The following RPSA2 variants were observed in gnomAD, a reference collection of about 807,000 sequenced individuals.
RPSA2 encodes the protein small ribosomal subunit protein uS2B.
chr19:23,862,899 T>TC, the RPSA2 span, among the ~76,000 whole-genome samples: 83 of 150,614 alleles, frequency 5.5e-4, no homozygotes, highest in Non-Finnish European at 8.9e-4. Flanking sequence ...TTTCTTTCTT[T>TC]TTTTTTTTTT....
the RPSA2 span, among the ~76,000 whole-genome samples, chr19:23,855,800 G>A: frequency 6.6e-6 from 1 of 152,026 alleles, no homozygotes; most frequent in Non-Finnish European, 1.5e-5. Context: ...ATGACAGGAG[G>A]GTGAGGAGCT....
At chr19:23,842,536 T>A in the RPSA2 span, 1 of 152,206 alleles carries the variant, frequency 6.6e-6, no homozygotes, top group Non-Finnish European at 1.5e-5. Flanking sequence ...ATGTGTGTTT[T>A]TTTTTTTTTT....
At chr19:23,786,392 A>G in the RPSA2 span, among the ~76,000 whole-genome samples, 148,930 of 152,262 alleles carry the variant, frequency 0.98, 72,929 homozygotes, top group Middle Eastern at 1. Context: ...CAGTCTGAAG[A>G]TAAGATTGTG....
the RPSA2 span, among the ~76,000 whole-genome samples, chr19:23,833,537 C>T: frequency 6.6e-6 from 1 of 152,080 alleles, no homozygotes; most frequent in Non-Finnish European, 1.5e-5. Flanking sequence ...GTAATTCATA[C>T]TGGAGATAAC....
chr19:23,758,852 A>C, the RPSA2 span: 1 of 1,512,254 alleles, frequency 6.6e-7, no homozygotes, highest in Non-Finnish European at 9.1e-7. Flanking sequence ...GACACAGAGC[A>C]GTGAAGACGA....
chr19:23,845,451 T>C, the RPSA2 span, among the ~76,000 whole-genome samples: 2 of 151,992 alleles, frequency 1.3e-5, no homozygotes, highest in Admixed American at 6.5e-5. Context: ...TATTATATTG[T>C]GTTTCTATTT....
At chr19:23,841,919 A>G in the RPSA2 span, among the ~76,000 whole-genome samples, 1 of 152,148 alleles carries the variant, frequency 6.6e-6, no homozygotes, top group African/African-American at 2.4e-5. Flanking sequence ...CATTTATCTT[A>G]CACCCTTTTT....
At chr19:23,846,792 ACTT>A in the RPSA2 span, among the ~76,000 whole-genome samples, 23 of 152,118 alleles carry the variant, frequency 1.5e-4, no homozygotes, top group South Asian at 1.0e-3. Context: ...TTTTAGAATT[ACTT>A]CTTTCACTTT....
At chr19:23,831,254 CT>C in the RPSA2 span, among the ~76,000 whole-genome samples, 3 of 152,112 alleles carry the variant, frequency 2.0e-5, no homozygotes, top group Non-Finnish European at 4.4e-5. Context: ...AGTATTTTAG[CT>C]TTCTTTTAAA....
the RPSA2 span, among the ~76,000 whole-genome samples, chr19:23,816,131 A>C: frequency 6.6e-6 from 1 of 150,704 alleles, no homozygotes; most frequent in African/African-American, 2.4e-5. Context: ...TCATTTATTT[A>C]CTTGTTTATT....
the RPSA2 span, among the ~76,000 whole-genome samples, chr19:23,785,144 C>T: frequency 6.6e-6 from 1 of 152,274 alleles, no homozygotes; most frequent in East Asian, 1.9e-4. Flanking sequence ...CTTTTTCCAG[C>T]CTTGGTGTTG....
At chr19:23,845,292 C>T in the RPSA2 span, among the ~76,000 whole-genome samples, 130 of 140,244 alleles carry the variant, frequency 9.3e-4, 2 homozygotes, top group Non-Finnish European at 3.3e-4. Flanking sequence ...TTTTCTTCTT[C>T]TAACTTGGAA....
chr19:23,776,905 A>T, the RPSA2 span, among the ~76,000 whole-genome samples: 1 of 151,272 alleles, frequency 6.6e-6, no homozygotes, highest in African/African-American at 2.4e-5. Context: ...CCCCTCTCCT[A>T]CCCTGTGTTT....
At chr19:23,825,591 A>G in the RPSA2 span, among the ~76,000 whole-genome samples, 1 of 151,084 alleles carries the variant, frequency 6.6e-6, no homozygotes, top group African/African-American at 2.4e-5. Flanking sequence ...ATCATAAAAT[A>G]CTCTTTTTTT....
At chr19:23,761,906 T>TCTCTC in the RPSA2 span, among the ~76,000 whole-genome samples, 21 of 92,080 alleles carry the variant, frequency 2.3e-4, no homozygotes, top group South Asian at 4.4e-4. Context: ...ACGTAATTCT[T>TCTCTC]TCTTTCTTTC....
the RPSA2 span, among the ~76,000 whole-genome samples, chr19:23,806,992 CCTT>C: frequency 6.6e-6 from 1 of 151,994 alleles, no homozygotes; most frequent in African/African-American, 2.4e-5. Context: ...GATGCTGTGT[CCTT>C]CTGGGTGCAT....
the RPSA2 span, among the ~76,000 whole-genome samples, chr19:23,867,716 G>A: frequency 0.98 from 148,692 of 152,010 alleles, 72,814 homozygotes; most frequent in Middle Eastern, 1. Flanking sequence ...TGTAGTCCCA[G>A]CTACTCGGAA....
At chr19:23,805,121 GCACA>G in the RPSA2 span, among the ~76,000 whole-genome samples, 154 of 149,656 alleles carry the variant, frequency 1.0e-3, 1 homozygote, top group African/African-American at 3.6e-3. Flanking sequence ...AAAATAAAAA[GCACA>G]CACACACACA....
the RPSA2 span, chr19:23,832,724 G>A: frequency 2.6e-6 from 4 of 1,534,576 alleles, no homozygotes; most frequent in African/African-American, 1.4e-5. Flanking sequence ...CCCTACAAAT[G>A]TGAAGAATAT....
Sources: gnomAD v4.1 joint callset for allele counts (sites outside exome capture counted in the v4.1 genomes callset) on GRCh38, gnomAD v4.1.1 for gene constraint, MANE v1.5 for transcripts, NCBI Gene and HGNC (gene_info 2026-07-23, HGNC 2026-07-21) for gene names.